The following SPON2 variants were observed in gnomAD, a reference collection of about 807,000 sequenced individuals.
SPON2 encodes the protein spondin 2.
Under a neutral mutation model 29.9 loss-of-function variants are expected in SPON2, and 32 were observed. The observed-to-expected ratio is 1.07, with a 90% CI of 0.81 to 1.44. The LOEUF (loss-of-function observed/expected upper bound fraction) is 1.44. SPON2 is among the 40% of genes most tolerant of loss of function. The pLI, the probability that SPON2 is intolerant of heterozygous loss-of-function variation, is 0.00. For missense variants in SPON2, 541 were observed against 455.5 expected, an observed-to-expected ratio of 1.19 and a Z score of -1.71; for synonymous variants, 248 against 209.1, an observed-to-expected ratio of 1.19 and a Z score of -1.61.
At chr4:1,206,651 G>A (rs1169955503) in intron 1 of SPON2, among the ~76,000 whole-genome samples, 1 of 152,208 alleles carries the variant, frequency 6.6e-6, no homozygotes, top group Non-Finnish European at 1.5e-5. Flanking sequence ...GCCTCCCCAG[G>A]CTCAGCTCTG....
At chr4:1,181,451 G>A (rs181510793) in intron 1 of SPON2, among the ~76,000 whole-genome samples, 1 of 152,306 alleles carries the variant, frequency 6.6e-6, no homozygotes, top group East Asian at 1.9e-4. Context: ...CACTGGTAAA[G>A]GCAGTGACAT....
At chr4:1,185,686 C>T (rs1727778735) in intron 1 of SPON2, among the ~76,000 whole-genome samples, 1 of 107,802 alleles carries the variant, frequency 9.3e-6, no homozygotes, top group African/African-American at 3.5e-5. Flanking sequence ...CCAGCCTCGG[C>T]AGCAGAGTGA....
At chr4:1,178,143 A>G (rs1727640241), upstream of SPON2, among the ~76,000 whole-genome samples, 1 of 139,176 alleles carries the variant, frequency 7.2e-6, no homozygotes, top group Non-Finnish European at 1.5e-5. Context: ...GGCTCTGCAC[A>G]CACCGAGGGC....
Sources: allele counts gnomAD v4.1 joint callset (sites outside exome capture counted in the v4.1 genomes callset), GRCh38; gene constraint gnomAD v4.1.1; transcripts MANE v1.5; gene names NCBI Gene and HGNC (gene_info 2026-07-23, HGNC 2026-07-21).